The following DTNB variants were observed in gnomAD, a reference collection of about 807,000 sequenced individuals.
DTNB encodes DTN-B.
A neutral mutation model predicts 90.7 loss-of-function variants in DTNB; 63 were observed. The observed-to-expected ratio is 0.69, with a 90% CI of 0.57 to 0.86. The LOEUF (loss-of-function observed/expected upper bound fraction) is 0.86, where lower values mean the gene tolerates loss of function less well. DTNB is among the 40% of genes least tolerant of loss of function. The probability of loss-of-function intolerance (pLI) is 0.00; values close to 1 mark genes in which losing one functional copy is unlikely to be tolerated. For missense variants in DTNB, 744 were observed against 807.1 expected (o/e 0.92, Z 0.95); for synonymous variants, 277 against 286.7 (o/e 0.97, Z 0.34).
intron 15 of DTNB, among the ~76,000 whole-genome samples, chr2:25,420,528 G>GTCTGTCTA (rs796498130): frequency 1.0e-5 from 1 of 96,600 alleles, no homozygotes; most frequent in African/African-American, 2.9e-5. Context: ...CTATCTGTCT[G>GTCTGTCTA]TCTATCGACA....
At chr2:25,529,820 A>ATCAAGGGC (rs2077813232) in intron 9 of DTNB, among the ~76,000 whole-genome samples, 1 of 152,178 alleles carries the variant, frequency 6.6e-6, no homozygotes. Context: ...GCTTTATTAG[A>ATCAAGGGC]TTTAACCCTT....
At chr2:25,595,393 G>A (rs571738331) in intron 6 of DTNB, among the ~76,000 whole-genome samples, 1 of 152,116 alleles carries the variant, frequency 6.6e-6, no homozygotes, top group Non-Finnish European at 1.5e-5. Context: ...TTAGCAAAAC[G>A]TTTTTTAATT....
intron 5 of DTNB, among the ~76,000 whole-genome samples, chr2:25,604,534 G>A (rs1363326199): frequency 6.6e-6 from 1 of 151,882 alleles, no homozygotes; most frequent in African/African-American, 2.4e-5. Context: ...AGCTTCCTGA[G>A]GAGCTGGGAC....
chr2:25,401,235 T>C (rs532077279), intron 16 of DTNB, among the ~76,000 whole-genome samples: 8 of 152,380 alleles, frequency 5.3e-5, no homozygotes, highest in African/African-American at 1.9e-4. Context: ...TCAAGACTTC[T>C]GATGACTGAC....
intron 16 of DTNB, among the ~76,000 whole-genome samples, chr2:25,411,432 A>C (rs963445719): frequency 6.6e-6 from 1 of 152,118 alleles, no homozygotes; most frequent in South Asian, 2.1e-4. Flanking sequence ...TTGGAAAAAA[A>C]ATAACAACAA....
Position 25,399,453 on chromosome 2 carries a change from C to T in DTNB, c.1576-11092G>A, listed in dbSNP as rs149900843. The T allele has an allele frequency of 7.2e-3, 1,087 of 150,778 alleles. 3 individuals are homozygous for T. Among genetic ancestry groups the T allele is most frequent in the Non-Finnish European group, 0.012 (790 of 68,028 alleles). The allele number at this position is 150,778 out of a possible 1,614,324, so 9.3% of individuals were successfully genotyped here. A position where few individuals can be genotyped will look rare whatever the true frequency, so the allele number is the denominator to read the frequency against. On this transcript the variant is annotated intron_variant, in intron 16 of 20. Transcript: ENST00000406818. ...CCACCTCCTGGGTTCAAGTGATTCT[C>T]GTGCCTCAGCTTCCTGAGTAGCTGG...
At chr2:25,433,728 C>T (rs1385259964) in intron 13 of DTNB, among the ~76,000 whole-genome samples, 182 bp downstream of exon 13, 1 of 152,146 alleles carries the variant, frequency 6.6e-6, no homozygotes, top group Non-Finnish European at 1.5e-5. Context: ...CCAGAATCAA[C>T]AGCATGCAGA....
chr2:25,490,317 AAAT>A (rs2067127555), intron 9 of DTNB, among the ~76,000 whole-genome samples: 1 of 152,140 alleles, frequency 6.6e-6, no homozygotes, highest in African/African-American at 2.4e-5. Context: ...TCTCTGGGAA[AAAT>A]AATGATCTTT....
At chr2:25,562,417 G>A (rs2058402075) in intron 8 of DTNB, among the ~76,000 whole-genome samples, 2 of 152,210 alleles carry the variant, frequency 1.3e-5, no homozygotes, top group Non-Finnish European at 1.5e-5. Context: ...GTGGAGACAT[G>A]TATTTTCAGT....
At chr2:25,573,023 C>T (rs910534621) in intron 8 of DTNB, among the ~76,000 whole-genome samples, 5 of 151,930 alleles carry the variant, frequency 3.3e-5, no homozygotes, top group African/African-American at 9.7e-5. Flanking sequence ...TCACTGCAAC[C>T]TCAACCTCCG....
chr2:25,652,239 G>C (rs1431550655), intron 2 of DTNB, among the ~76,000 whole-genome samples: 1 of 152,150 alleles, frequency 6.6e-6, no homozygotes, highest in Non-Finnish European at 1.5e-5. Context: ...CTGTCATCTA[G>C]TGGAAGGTAA....
chr2:25,419,391 G>T (rs1027505933), intron 16 of DTNB, 124 bp downstream of exon 16: 1 of 1,443,492 alleles, frequency 6.9e-7, no homozygotes, highest in Non-Finnish European at 9.5e-7. Flanking sequence ...AACCGCTGGG[G>T]GTTTTACACA....
chr2:25,647,702 C>T (rs1370999817), intron 2 of DTNB, among the ~76,000 whole-genome samples: 2 of 152,052 alleles, frequency 1.3e-5, no homozygotes, highest in Non-Finnish European at 2.9e-5. Context: ...GAGCAATACC[C>T]TGTCTCTATC....
At chr2:25,397,122 A>G (rs2042577379) in intron 16 of DTNB, among the ~76,000 whole-genome samples, 1 of 151,632 alleles carries the variant, frequency 6.6e-6, no homozygotes, top group South Asian at 2.1e-4. Context: ...CTAGGTATAT[A>G]TCCATGAGAC....
intron 12 of DTNB, among the ~76,000 whole-genome samples, chr2:25,439,201 G>T (rs1298947625): frequency 6.6e-6 from 1 of 152,112 alleles, no homozygotes; most frequent in Non-Finnish European, 1.5e-5. Context: ...ACTAATTCAA[G>T]ATGTTAATAA....
chr2:25,538,298 A>T (rs2080309787), intron 8 of DTNB, among the ~76,000 whole-genome samples: 1 of 152,174 alleles, frequency 6.6e-6, no homozygotes, highest in Non-Finnish European at 1.5e-5. Context: ...CTAGCCACTC[A>T]GGAGGCTGAG....
intron 6 of DTNB, among the ~76,000 whole-genome samples, chr2:25,585,820 T>C (rs1040108234): frequency 8.5e-5 from 13 of 152,242 alleles, no homozygotes; most frequent in Non-Finnish European, 1.5e-5. Flanking sequence ...AGAGATATTT[T>C]ATCTGACAAG....
chr2:25,552,214 G>C (rs1301912067), intron 8 of DTNB, among the ~76,000 whole-genome samples: 2 of 152,194 alleles, frequency 1.3e-5, no homozygotes, highest in Non-Finnish European at 2.9e-5. Context: ...TTGTAGTCAA[G>C]ACTTCCTGTT....
intron 8 of DTNB, among the ~76,000 whole-genome samples, chr2:25,535,305 GT>G: frequency 7.1e-6 from 1 of 140,860 alleles, no homozygotes; most frequent in Non-Finnish European, 1.5e-5. Flanking sequence ...CCAGACGGGG[GT>G]GGCCAGGCAG....
Sources: allele counts gnomAD v4.1 joint callset (sites outside exome capture counted in the v4.1 genomes callset), GRCh38; gene constraint gnomAD v4.1.1; transcripts MANE v1.5; gene names NCBI Gene and HGNC (gene_info 2026-07-23, HGNC 2026-07-21).